Variants in KANSL1 observed in about 807,000 individuals in gnomAD.
KANSL1 encodes the protein MLL1/MLL complex subunit KANSL1.
KANSL1 carries 22 observed loss-of-function variants against 103.6 expected under a neutral mutation model. The observed-to-expected ratio is 0.21, with a 90% CI of 0.15 to 0.30. The LOEUF is 0.30. KANSL1 is among the 10% of genes least tolerant of loss of function. The probability of loss-of-function intolerance (pLI) is 1.00; values close to 1 mark genes in which losing one functional copy is unlikely to be tolerated. For missense variants in KANSL1, 1,337 were observed against 1,399.8 expected (o/e 0.96, Z 0.72); for synonymous variants, 600 against 527.6 (o/e 1.14, Z -1.88).
intron 7 of KANSL1, chr17:46,041,859 G>C (rs1011762611): frequency 2.0e-5 from 3 of 147,760 alleles, no homozygotes; most frequent in Non-Finnish European, 3.0e-5. Flanking sequence ...ATGTCTTCTA[G>C]AACTATTAGA....
At chr17:46,092,649 C>T (rs983152242) in intron 3 of KANSL1, among the ~76,000 whole-genome samples, 4 of 134,200 alleles carry the variant, frequency 3.0e-5, no homozygotes, top group African/African-American at 1.1e-4. Context: ...TACTTATGTG[C>T]TAGGAAAATG....
At chr17:46,179,289 G>A (rs740708) in intron 1 of KANSL1, among the ~76,000 whole-genome samples, 18,330 of 150,150 alleles carry the variant, frequency 0.12, 24 homozygotes, top group Middle Eastern at 0.19. Context: ...CTGTAAGTCA[G>A]AACTAACTCC....
At chr17:46,124,194 T>C (rs1455066810) in intron 2 of KANSL1, among the ~76,000 whole-genome samples, 2 of 152,222 alleles carry the variant, frequency 1.3e-5, no homozygotes, top group Admixed American at 1.3e-4. Flanking sequence ...AGCCCAGTAG[T>C]TGGAGACCAG....
At chr17:46,111,398 T>C (rs55794067) in intron 2 of KANSL1, among the ~76,000 whole-genome samples, 21,633 of 151,862 alleles carry the variant, frequency 0.14, 2,110 homozygotes, top group Non-Finnish European at 0.22. Context: ...TTAGTAGAGA[T>C]AGGGTTTCAC....
chr17:46,135,362 CAATAAAACATA>C (rs2044076872), intron 2 of KANSL1, among the ~76,000 whole-genome samples: 1 of 151,928 alleles, frequency 6.6e-6, no homozygotes, highest in Non-Finnish European at 1.5e-5. Flanking sequence ...GAATATTTCA[CAATAAAACATA>C]AAACATAGTA....
chr17:46,073,905 A>C (rs758048547), intron 4 of KANSL1, among the ~76,000 whole-genome samples: 2 of 152,176 alleles, frequency 1.3e-5, no homozygotes, highest in Non-Finnish European at 2.9e-5. Flanking sequence ...ACGAGTATCA[A>C]TAAGGAAGGG....
At chr17:46,083,234 G>GT (rs1401198423) in intron 3 of KANSL1, among the ~76,000 whole-genome samples, 2 of 151,940 alleles carry the variant, frequency 1.3e-5, no homozygotes, top group Non-Finnish European at 2.9e-5. Context: ...AAGGCAGAAG[G>GT]TATCTTATTA....
intron 2 of KANSL1, among the ~76,000 whole-genome samples, chr17:46,162,279 T>A (rs1462703260): frequency 6.6e-6 from 1 of 152,234 alleles, no homozygotes; most frequent in African/African-American, 2.4e-5. Context: ...TAGTCCACTT[T>A]GGTCCATGTT....
intron 7 of KANSL1, chr17:46,043,021 C>A (rs370782022): frequency 1.3e-5 from 2 of 152,292 alleles, no homozygotes; most frequent in South Asian, 2.1e-4. Context: ...CTTAAAAACT[C>A]AGCTATACCA....
Position 46,171,219 on chromosome 17 carries a change from G to A in KANSL1, c.925C>T (p.Gln309Ter). 1.2e-6 allele frequency: 2 copies of A among 1,614,102 alleles called. No homozygotes were observed. The highest frequency in any genetic ancestry group is 8.5e-7 in the Non-Finnish European group (1 of 1,180,052). ...RRLQKRLQVV[Q>*]AKQVERHIQH... ...ATATGCCTCTCAACCTGCTTGGCTT[G>A]CACAACCTGTAAGCGCTTTTGTAAT... is the stretch of plus-strand genomic sequence containing the variant. Residue 309 changes from glutamine (Q) to a stop codon, truncating the protein, a stop_gained, in exon 2 of 15, where the codon CAA (glutamine) becomes TAA (stop). Transcript: ENST00000432791. LOFTEE classifies it high-confidence loss of function.
chr17:46,168,480 T>C lies in KANSL1; in HGVS notation c.1289+2375A>G, dbSNP rs1200372471. Among the ~76,000 whole-genome samples, 6 of 152,296 alleles carry C rather than the reference T, an allele frequency of 3.9e-5. No individual in the cohort carries two copies. The South Asian group carries it at 1.2e-3, about 32-fold the overall frequency. ...CTCCTGCCTCAGCCTCCAGAGCAGC[T>C]GGATGTAGAGGCGTGTGCCACCACG... On this transcript the variant is annotated intron_variant, in intron 2 of 14. Transcript: ENST00000432791.
intron 2 of KANSL1, among the ~76,000 whole-genome samples, chr17:46,101,754 C>CAAA (rs372439614): frequency 2.0e-3 from 185 of 93,608 alleles, no homozygotes; most frequent in East Asian, 6.5e-3. Context: ...ACTCTGTCTA[C>CAAA]AAAAAAAAAA....
chr17:46,047,802 T>TAAAAAAAAAAAAAAAA (rs66740033), intron 7 of KANSL1, among the ~76,000 whole-genome samples: 1 of 120,134 alleles, frequency 8.3e-6, no homozygotes, highest in Admixed American at 7.8e-5. Context: ...AAATAAAAAT[T>TAAAAAAAAAAAAAAAA]AAAAAAAAAA....
chr17:46,131,916 C>T (rs1465156305), intron 2 of KANSL1, among the ~76,000 whole-genome samples: 2 of 152,012 alleles, frequency 1.3e-5, no homozygotes, highest in African/African-American at 4.8e-5. Context: ...ATCACAAACT[C>T]AAGAGATTGA....
intron 2 of KANSL1, among the ~76,000 whole-genome samples, chr17:46,149,488 C>G (rs942422206): frequency 1.7e-4 from 26 of 152,274 alleles, no homozygotes; most frequent in Non-Finnish European, 3.4e-4. Flanking sequence ...GCAGGCCACA[C>G]AGTCTCCGTC....
intron 2 of KANSL1, among the ~76,000 whole-genome samples, chr17:46,138,194 T>A (rs1458945796): frequency 6.6e-6 from 1 of 152,244 alleles, no homozygotes; most frequent in African/African-American, 2.4e-5. Flanking sequence ...AGTGTCAACA[T>A]GACACTCAAA....
chr17:46,202,539 T>C (rs1240061483), intron 1 of KANSL1, among the ~76,000 whole-genome samples: 1 of 152,210 alleles, frequency 6.6e-6, no homozygotes, highest in South Asian at 2.1e-4. Context: ...TAGATAAATA[T>C]GCATGGCTAA....
At chr17:46,168,827 T>G (rs1319673414) in intron 2 of KANSL1, among the ~76,000 whole-genome samples, 1 of 152,218 alleles carries the variant, frequency 6.6e-6, no homozygotes, top group African/African-American at 2.4e-5. Flanking sequence ...TCTTATACAC[T>G]TCACACCCTT....
intron 1 of KANSL1, among the ~76,000 whole-genome samples, chr17:46,202,013 A>G (rs576941777): frequency 3.3e-5 from 5 of 152,242 alleles, no homozygotes; most frequent in Non-Finnish European, 7.4e-5. Flanking sequence ...TCTCAAACAA[A>G]CAAAAAAATT....
Sources: allele counts gnomAD v4.1 joint callset (sites outside exome capture counted in the v4.1 genomes callset), GRCh38; gene constraint gnomAD v4.1.1; transcripts MANE v1.5; gene names NCBI Gene and HGNC (gene_info 2026-07-23, HGNC 2026-07-21).